The following DOK6 variants were observed in gnomAD, a reference collection of about 807,000 sequenced individuals.
DOK6 encodes downstream of tyrosine kinase 6.
In DOK6, 22 loss-of-function variants were observed where a neutral mutation model predicts 44.0. The observed-to-expected ratio is 0.50, with a 90% confidence interval of 0.36 to 0.71. The LOEUF is 0.71. Ranked by LOEUF, DOK6 falls within the 30% of genes least tolerant of loss-of-function variation. The pLI is 0.00. For missense variants in DOK6, 340 were observed against 416.4 expected (o/e 0.82, Z 1.60); for synonymous variants, 166 against 145.5 (o/e 1.14, Z -1.01).
intron 6 of DOK6, among the ~76,000 whole-genome samples, chr18:69,750,307 T>C (rs1488850148): frequency 6.6e-6 from 1 of 151,716 alleles, no homozygotes; most frequent in East Asian, 1.9e-4. Context: ...TTTAATAAAA[T>C]AGCTAAGGAG....
intron 2 of DOK6, among the ~76,000 whole-genome samples, chr18:69,592,806 G>A (rs1246740266): frequency 2.0e-5 from 3 of 151,984 alleles, no homozygotes; most frequent in Admixed American, 6.6e-5. Flanking sequence ...ATAATTTACC[G>A]ATATTGAAAA....
chr18:69,460,063 A>G (rs1979745219), intron 1 of DOK6, among the ~76,000 whole-genome samples: 1 of 152,158 alleles, frequency 6.6e-6, no homozygotes, highest in Admixed American at 6.6e-5. Context: ...ATTTAAGCTG[A>G]CTTCTGGGCC....
intron 5 of DOK6, among the ~76,000 whole-genome samples, chr18:69,700,216 C>CATATATATATATATTAT (rs1236367830): frequency 1.6e-5 from 2 of 124,806 alleles, no homozygotes; most frequent in East Asian, 6.1e-4. Flanking sequence ...CATATATATA[C>CATATATATATATATTAT]ATATATATAT....
chr18:69,807,710 A>G (rs949435425), intron 7 of DOK6, among the ~76,000 whole-genome samples: 1 of 151,970 alleles, frequency 6.6e-6, no homozygotes, highest in Non-Finnish European at 1.5e-5. Context: ...AGATCATTAT[A>G]TAATGACAAT....
At chr18:69,812,271 G>T (rs1288048116) in intron 7 of DOK6, among the ~76,000 whole-genome samples, 1 of 152,052 alleles carries the variant, frequency 6.6e-6, no homozygotes, top group Non-Finnish European at 1.5e-5. Flanking sequence ...CAATTCAATT[G>T]CAAGATACTT....
chr18:69,839,838 G>A (rs1021364223), intron 7 of DOK6, among the ~76,000 whole-genome samples: 79 of 152,348 alleles, frequency 5.2e-4, no homozygotes, highest in African/African-American at 1.8e-3. Context: ...CGAGGGAAAA[G>A]CCCCTCTTCT....
intron 7 of DOK6, among the ~76,000 whole-genome samples, chr18:69,834,571 T>C (rs531827190): frequency 6.6e-6 from 1 of 152,312 alleles, no homozygotes; most frequent in East Asian, 1.9e-4. Context: ...CTTGAGATGA[T>C]GAATATCCCA....
chr18:69,691,533 T>C (rs1986267963), intron 4 of DOK6, among the ~76,000 whole-genome samples: 1 of 152,146 alleles, frequency 6.6e-6, no homozygotes, highest in Non-Finnish European at 1.5e-5. Context: ...CTGGGCAGTG[T>C]TCAAGAGAGT....
intron 3 of DOK6, among the ~76,000 whole-genome samples, chr18:69,617,317 GAGAGAGAAAGA>G (rs1462235719): frequency 7.3e-6 from 1 of 137,774 alleles, no homozygotes; most frequent in African/African-American, 2.6e-5. Flanking sequence ...GAAAAGAAAA[GAGAGAGAAAGA>G]AAAGAAAGAA....
chr18:69,638,688 A>T (rs2144652340), intron 3 of DOK6, among the ~76,000 whole-genome samples: 1 of 152,156 alleles, frequency 6.6e-6, no homozygotes, highest in South Asian at 2.1e-4. Context: ...TCTTATATGA[A>T]CCCTTAAATG....
intron 7 of DOK6, chr18:69,832,519 A>G (rs765806002): frequency 1.3e-5 from 2 of 152,082 alleles, no homozygotes; most frequent in Admixed American, 1.3e-4. Flanking sequence ...TGGTTTTAGT[A>G]TCAGAGTCAT....
intron 1 of DOK6, among the ~76,000 whole-genome samples, chr18:69,503,645 A>T (rs1009107132): frequency 6.6e-6 from 1 of 152,058 alleles, no homozygotes; most frequent in African/African-American, 2.4e-5. Context: ...AGTTCAACAT[A>T]TATTATCTTT....
chr18:69,705,610 G>A (rs898068663), intron 5 of DOK6, among the ~76,000 whole-genome samples: 1 of 152,154 alleles, frequency 6.6e-6, no homozygotes, highest in Non-Finnish European at 1.5e-5. Context: ...AGCAATAATT[G>A]TGGAGATTAC....
At chr18:69,459,638 C>T (rs1226604125) in intron 1 of DOK6, among the ~76,000 whole-genome samples, 1 of 152,160 alleles carries the variant, frequency 6.6e-6, no homozygotes, top group Non-Finnish European at 1.5e-5. Flanking sequence ...AAAGTACTGC[C>T]TTCTGTTTCT....
At chr18:69,557,682 C>G (rs1982722826) in intron 1 of DOK6, among the ~76,000 whole-genome samples, 1 of 151,972 alleles carries the variant, frequency 6.6e-6, no homozygotes, top group African/African-American at 2.4e-5. Context: ...GGAGGGGCAC[C>G]TAGGAGCCTG....
intron 1 of DOK6, among the ~76,000 whole-genome samples, chr18:69,443,098 G>A (rs11875042): frequency 0.5 from 75,483 of 151,946 alleles, 19,690 homozygotes; most frequent in East Asian, 0.72. Flanking sequence ...CAACAAATGC[G>A]TCAGTAGACT....
At chr18:69,448,293 T>G (rs1348170046) in intron 1 of DOK6, among the ~76,000 whole-genome samples, 1 of 152,206 alleles carries the variant, frequency 6.6e-6, no homozygotes, top group African/African-American at 2.4e-5. Context: ...GTTGCATTTG[T>G]GCAAGGAGGG....
In DOK6 at chr18:69,842,537, A is replaced by G. The variant is rs555673731; in HGVS notation, c.*1154A>G. 2.0e-5 allele frequency: 3 copies of G among 152,200 alleles called. No individual in the cohort carries two copies. The highest frequency in any genetic ancestry group is 2.9e-5 in the Non-Finnish European group (2 of 68,036). The allele number at this position is 152,200 out of a possible 1,614,324, so 9.4% of individuals were successfully genotyped here. A position where few individuals can be genotyped will look rare whatever the true frequency, so the allele number is the denominator to read the frequency against. ...ATATCATAGATGCTGTTCTCACACA[A>G]CCACTGGGGGCTTGTAATTTACTGT... On this transcript the variant is annotated 3_prime_UTR_variant, in exon 8 of 8. Coordinates refer to ENST00000382713, the MANE Select transcript of DOK6 (RefSeq NM_152721.6).
chr18:69,841,963 CGTGTGTGTGTGTGT>C lies in DOK6; in HGVS notation c.*585_*598del, dbSNP rs4020105. 1.3e-5 allele frequency: 2 copies of C among 150,130 alleles called. No individual in the cohort carries two copies. The highest frequency in any genetic ancestry group is 4.9e-5 in the African/African-American group (2 of 40,602). 9.3% of individuals were successfully genotyped at this position (150,130 alleles called of 1,614,324 possible). ...GTAGCTCTACTCGTGTGTGTGTGTG[CGTGTGTGTGTGTGT>C]GTGTAGACAAATGGATATTGCTATA... On this transcript the variant is annotated 3_prime_UTR_variant, in exon 8 of 8. Coordinates refer to ENST00000382713, the MANE Select transcript of DOK6 (RefSeq NM_152721.6).
Sources: gnomAD v4.1 joint callset for allele counts (sites outside exome capture counted in the v4.1 genomes callset) on GRCh38, gnomAD v4.1.1 for gene constraint, MANE v1.5 for transcripts, NCBI Gene and HGNC (gene_info 2026-07-23, HGNC 2026-07-21) for gene names.